Variants in NEMP2 observed in about 807,000 individuals in gnomAD.
The protein encoded by NEMP2 is UPF0571 transmembrane protein.
NEMP2 carries 53 observed loss-of-function variants against 54.2 expected under a neutral mutation model. The ratio of observed to expected loss-of-function variants is 0.98; its 90% confidence interval spans 0.78 to 1.23. The LOEUF is 1.23. Among genes scored for constraint, NEMP2 ranks in the 50% most tolerant of loss-of-function variants. The pLI is 0.00. For missense variants in NEMP2, 455 were observed against 511.3 expected (o/e 0.89, Z 1.06); for synonymous variants, 197 against 190.3 (o/e 1.04, Z -0.29).
chr2:190,498,773 C>CT, the NEMP2 span, among the ~76,000 whole-genome samples: 1 of 152,126 alleles, frequency 6.6e-6, no homozygotes, highest in East Asian at 1.9e-4. This position sits in a 1 kb window ranked among gnomAD's most constrained non-coding sequence, Gnocchi z 5.9. Context: ...ATTTTCATTA[C>CT]TTTGTGTACT....
the NEMP2 span, among the ~76,000 whole-genome samples, chr2:190,604,394 A>C: frequency 1.3e-5 from 2 of 152,204 alleles, no homozygotes; most frequent in South Asian, 4.1e-4. This position sits in a 1 kb window ranked among gnomAD's most constrained non-coding sequence, Gnocchi z 4.5. Context: ...TCTGGCAAAT[A>C]GTCTCTTCCC....
upstream of NEMP2, chr2:190,536,084 A>G (rs1691367019): frequency 6.6e-6 from 1 of 152,268 alleles, no homozygotes; most frequent in South Asian, 2.1e-4. Flanking sequence ...AGTGCTATTT[A>G]TATCACAGAT....
At chr2:190,488,799 C>A in the NEMP2 span, 1 of 1,576,716 alleles carries the variant, frequency 6.3e-7, no homozygotes, top group Non-Finnish European at 8.6e-7. This position sits in a 1 kb window ranked among gnomAD's most constrained non-coding sequence, Gnocchi z 6.4. Context: ...TGATCGGAGG[C>A]GTGTTAGTCA....
chr2:190,491,650 A>G, the NEMP2 span, among the ~76,000 whole-genome samples: 1 of 152,238 alleles, frequency 6.6e-6, no homozygotes, highest in Non-Finnish European at 1.5e-5. The surrounding 1 kb of genome is among the most constrained non-coding windows in gnomAD (Gnocchi z 4.2). Context: ...GGACAAAAGA[A>G]TTGAACAGCA....
At chr2:190,562,428 G>C in the NEMP2 span, among the ~76,000 whole-genome samples, 10 of 152,152 alleles carry the variant, frequency 6.6e-5, no homozygotes, top group African/African-American at 2.2e-4. The surrounding 1 kb of genome is among the most constrained non-coding windows in gnomAD (Gnocchi z 5.0). Context: ...GCACTCCCTA[G>C]CTTCTTCCTC....
At chr2:190,554,383 C>T in the NEMP2 span, among the ~76,000 whole-genome samples, 26 of 152,316 alleles carry the variant, frequency 1.7e-4, 1 homozygote, top group South Asian at 5.2e-3. This position sits in a 1 kb window ranked among gnomAD's most constrained non-coding sequence, Gnocchi z 5.7. Flanking sequence ...CCCCACAGAG[C>T]CTAGCAAGCT....
chr2:190,548,681 T>C, the NEMP2 span, among the ~76,000 whole-genome samples: 1 of 152,372 alleles, frequency 6.6e-6, no homozygotes, highest in South Asian at 2.1e-4. Flanking sequence ...CGATCTTTTA[T>C]GTTAAACAGA....
the NEMP2 span, among the ~76,000 whole-genome samples, chr2:190,619,239 G>A: frequency 3.3e-5 from 5 of 151,978 alleles, no homozygotes; most frequent in East Asian, 7.8e-4. The surrounding 1 kb of genome is among the most constrained non-coding windows in gnomAD (Gnocchi z 5.5). Context: ...TTAGCTGGGC[G>A]TGGTGGTGCA....
the NEMP2 span, among the ~76,000 whole-genome samples, chr2:190,570,311 A>G: frequency 6.6e-6 from 1 of 152,344 alleles, no homozygotes; most frequent in Non-Finnish European, 1.5e-5. This position sits in a 1 kb window ranked among gnomAD's most constrained non-coding sequence, Gnocchi z 5.4. Flanking sequence ...AACATGTAAC[A>G]TTAGGTTTAT....
At chr2:190,572,559 G>A in the NEMP2 span, among the ~76,000 whole-genome samples, 1 of 152,058 alleles carries the variant, frequency 6.6e-6, no homozygotes, top group African/African-American at 2.4e-5. Context: ...GAGGAAGGGA[G>A]AGCAAATATG....
At chr2:190,452,289 T>C in the NEMP2 span, among the ~76,000 whole-genome samples, 1 of 151,966 alleles carries the variant, frequency 6.6e-6, no homozygotes, top group Non-Finnish European at 1.5e-5. Context: ...ACAACAACAA[T>C]AACAAAACTC....
the NEMP2 span, among the ~76,000 whole-genome samples, chr2:190,434,033 A>G: frequency 1.3e-5 from 2 of 152,016 alleles, no homozygotes; most frequent in Non-Finnish European, 2.9e-5. This position sits in a 1 kb window ranked among gnomAD's most constrained non-coding sequence, Gnocchi z 4.3. Flanking sequence ...CTCTACAAAA[A>G]TTAGTTGGGC....
the NEMP2 span, among the ~76,000 whole-genome samples, chr2:190,631,712 CACTT>C: frequency 2.0e-5 from 3 of 152,294 alleles, no homozygotes. Flanking sequence ...CTCAAATCCT[CACTT>C]ACCCTATCAG....
chr2:190,519,292 G>GC lies in NEMP2; in HGVS notation c.214-110dup, dbSNP rs1199565074. 2 of 748,506 alleles carry GC rather than the reference G, an allele frequency of 2.7e-6. No homozygotes were observed. The highest frequency in any genetic ancestry group is 4.3e-6 in the Non-Finnish European group (2 of 462,790). 46.4% of individuals were successfully genotyped at this position (748,506 alleles called of 1,614,324 possible). ...AATGGAGTGCAGTGGCAGGATCTCT[G>GC]CTCACTGCAACCTGTGCCTCCAGGG... On this transcript the variant is annotated intron_variant, in intron 2 of 8. Coordinates refer to ENST00000409150, the MANE Select transcript of NEMP2 (RefSeq NM_001142645.2). The surrounding 1 kb of genome is among the most constrained non-coding windows in gnomAD (Gnocchi z 5.4).
At chr2:190,552,884 T>C in the NEMP2 span, among the ~76,000 whole-genome samples, 2 of 152,212 alleles carry the variant, frequency 1.3e-5, no homozygotes, top group African/African-American at 2.4e-5. Flanking sequence ...TGTATAGCAG[T>C]GTATTTTTTT....
chr2:190,616,440 A>G, the NEMP2 span, among the ~76,000 whole-genome samples: 17 of 152,238 alleles, frequency 1.1e-4, no homozygotes, highest in African/African-American at 3.6e-4. The surrounding 1 kb of genome is among the most constrained non-coding windows in gnomAD (Gnocchi z 5.1). Flanking sequence ...TATGCAGTAT[A>G]TTTCTATATA....
chr2:190,456,732 C>T, the NEMP2 span, among the ~76,000 whole-genome samples: 1 of 152,218 alleles, frequency 6.6e-6, no homozygotes, highest in Non-Finnish European at 1.5e-5. This position sits in a 1 kb window ranked among gnomAD's most constrained non-coding sequence, Gnocchi z 5.4. Context: ...TGTCCAGCTG[C>T]AGGTAAGAGG....
At chr2:190,518,009 T>G (rs528596016) in intron 4 of NEMP2, among the ~76,000 whole-genome samples, 80 of 152,342 alleles carry the variant, frequency 5.3e-4, no homozygotes, top group Middle Eastern at 6.8e-3. Context: ...GAGTCCAGGC[T>G]TTATTCTTCA....
intron 2 of NEMP2, among the ~76,000 whole-genome samples, chr2:190,524,036 C>T (rs60191871): frequency 6.7e-6 from 1 of 149,728 alleles, no homozygotes; most frequent in African/African-American, 2.5e-5. Flanking sequence ...AACCCCATCT[C>T]TACTAAAAAT....
Sources: gnomAD v4.1 joint callset for allele counts (sites outside exome capture counted in the v4.1 genomes callset) on GRCh38, gnomAD v4.1.1 for gene constraint, Gnocchi (gnomAD v3.1) non-coding constraint, MANE v1.5 for transcripts, NCBI Gene and HGNC (gene_info 2026-07-23, HGNC 2026-07-21) for gene names.